CD38: variants seen among roughly 807,000 people sequenced by gnomAD.
CD38 encodes CD38 molecule.
CD38 carries 31 observed loss-of-function variants against 36.3 expected under a neutral mutation model. That is an observed-to-expected ratio of 0.85 (90% CI 0.64 to 1.15). The LOEUF (loss-of-function observed/expected upper bound fraction) is 1.15. Ranked by LOEUF, CD38 falls within the 50% of genes most tolerant of loss-of-function variation. CD38 has a pLI of 0.00. For synonymous variants in CD38, 131 were observed against 135.2 expected (o/e 0.97, Z 0.22); for missense variants, 380 against 371.9 (o/e 1.02, Z -0.18).
At chr4:15,791,476 T>TG (rs1162571519) in intron 1 of CD38, among the ~76,000 whole-genome samples, 7 of 9,162 alleles carry the variant, frequency 7.6e-4, no homozygotes, top group Non-Finnish European at 1.0e-3. Flanking sequence ...GGGAGGGAGG[T>TG]GGGGGGGGGT....
intron 2 of CD38, among the ~76,000 whole-genome samples, chr4:15,819,892 G>C (rs760465915): frequency 1.3e-5 from 2 of 152,086 alleles, no homozygotes; most frequent in African/African-American, 2.4e-5. Context: ...GAAATCCAGA[G>C]AACCCCAGTA....
intron 3 of CD38, among the ~76,000 whole-genome samples, chr4:15,832,784 C>T (rs1723985917): frequency 6.6e-6 from 1 of 152,160 alleles, no homozygotes; most frequent in South Asian, 2.1e-4. Flanking sequence ...GGTGAGAAAG[C>T]CAGCCAGACC....
Position 15,825,013 on chromosome 4 carries a change from TC to T in CD38, c.498del (p.Ile168Ter). 1.2e-6 allele frequency: 2 copies of T among 1,609,388 alleles called. No homozygotes were observed. Among genetic ancestry groups the T allele is most frequent in the Non-Finnish European group, 1.7e-6 (2 of 1,177,364 alleles). ...CACATGGTGTGGTGAATTCAACACTTCCAGTGAGGCTCTGGGCCCTGTGGGA... is the reference window on the plus strand; with the variant it reads ...CACATGGTGTGGTGAATTCAACACTTCAGTGAGGCTCTGGGCCCTGTGGGA... ...DLTWCGEFNT[S>X]KINYQSCPDW... On this transcript the variant is annotated frameshift_variant and splice_region_variant, in exon 3 of 8. Transcript: ENST00000226279. LOFTEE classifies it high-confidence loss of function.
chr4:15,786,637 G>A (rs1722838121), intron 1 of CD38, among the ~76,000 whole-genome samples: 1 of 152,238 alleles, frequency 6.6e-6, no homozygotes, highest in South Asian at 2.1e-4. Context: ...TGTTCTCCAA[G>A]TCCCCACTAG....
chr4:15,796,125 A>G (rs1723099164), intron 1 of CD38, among the ~76,000 whole-genome samples: 1 of 152,140 alleles, frequency 6.6e-6, no homozygotes, highest in Non-Finnish European at 1.5e-5. Context: ...AATTCTTAAT[A>G]AAGGCAAAGA....
chr4:15,840,635 A>T, intron 7 of CD38, 97 bp downstream of exon 7: 2 of 692,204 alleles, frequency 2.9e-6, no homozygotes, highest in Non-Finnish European at 5.1e-6. Context: ...GGCTGTGTGA[A>T]TCTTTCTTGG....
chr4:15,825,118 G>A (rs1723820640), intron 3 of CD38, 102 bp downstream of exon 3: 2 of 1,198,444 alleles, frequency 1.7e-6, no homozygotes, highest in Non-Finnish European at 2.3e-6. Flanking sequence ...CAGAGCCACA[G>A]GCACCCATCC....
rs1330983197 is a variant in CD38, at chr4:15,848,632, G to A, written c.*30G>A. 6.3e-7 allele frequency: 1 copy of A among 1,584,518 alleles called. No individual in the cohort carries two copies. Among genetic ancestry groups the A allele is most frequent in the Non-Finnish European group, 8.7e-7 (1 of 1,153,592 alleles). The stretch of plus-strand genomic sequence containing the variant: ...GTCGCTGTGGTTGTTTTAGCTCCTT[G>A]ACTCCTTGTGGTTTATGTCATCATA... On this transcript the variant is annotated 3_prime_UTR_variant, in exon 8 of 8. Coordinates refer to ENST00000226279, the MANE Select transcript of CD38 (RefSeq NM_001775.4).
At chr4:15,789,308 C>T (rs1460931123) in intron 1 of CD38, among the ~76,000 whole-genome samples, 1 of 152,100 alleles carries the variant, frequency 6.6e-6, no homozygotes, top group Non-Finnish European at 1.5e-5. Flanking sequence ...GACATTGAAA[C>T]AGAAAAATAC....
intron 1 of CD38, among the ~76,000 whole-genome samples, chr4:15,780,532 A>ACACACACACACACACACACACACACACG (rs1722671408): frequency 1.4e-5 from 2 of 145,632 alleles, no homozygotes; most frequent in African/African-American, 5.2e-5. Context: ...ACACACACAC[A>ACACACACACACACACACACACACACACG]CACACACACA....
At chr4:15,837,207 A>G (rs1285182569) in intron 4 of CD38, among the ~76,000 whole-genome samples, 9 of 152,226 alleles carry the variant, frequency 5.9e-5, no homozygotes, top group Admixed American at 5.9e-4. Context: ...CTAGGAATAC[A>G]GAGGTGCACG....
intron 1 of CD38, among the ~76,000 whole-genome samples, chr4:15,787,118 G>C (rs897089510): frequency 6.6e-6 from 1 of 152,240 alleles, no homozygotes; most frequent in African/African-American, 2.4e-5. Context: ...AGAGGGAGCC[G>C]ACTCCGGCCT....
chr4:15,797,176 A>T (rs776805193), intron 1 of CD38, among the ~76,000 whole-genome samples: 1 of 152,036 alleles, frequency 6.6e-6, no homozygotes, highest in Non-Finnish European at 1.5e-5. Context: ...TTTAATCTTT[A>T]TTTGCATTTA....
Position 15,851,022 on chromosome 4 carries a change from C to G in CD38, c.*2420C>G, listed in dbSNP as rs1320050391. The G allele has an allele frequency of 1.3e-5, 2 of 152,100 alleles. No homozygotes were observed. The highest frequency in any genetic ancestry group is 2.9e-5 in the Non-Finnish European group (2 of 68,054). 9.4% of individuals were successfully genotyped at this position (152,100 alleles called of 1,614,324 possible). A position where few individuals can be genotyped will look rare whatever the true frequency, so the allele number is the denominator to read the frequency against. ...ATTAGAAATCAATTTTTGAAATTTC[C>G]CCTAGGAAGACTCATTTGAGTGTTC... On this transcript the variant is annotated 3_prime_UTR_variant, in exon 8 of 8. Transcript: ENST00000226279.
chr4:15,805,369 G>A (rs1723319933), intron 1 of CD38, among the ~76,000 whole-genome samples: 1 of 151,836 alleles, frequency 6.6e-6, no homozygotes, highest in Non-Finnish European at 1.5e-5. Context: ...ACTCAAATAT[G>A]TCCACCCTAT....
chr4:15,796,834 A>T (rs1192145439), intron 1 of CD38, among the ~76,000 whole-genome samples: 1 of 152,116 alleles, frequency 6.6e-6, no homozygotes, highest in African/African-American at 2.4e-5. Context: ...TAATAATTAT[A>T]TAGATTCCAC....
At chr4:15,819,104 CAT>C (rs1260208822) in intron 2 of CD38, among the ~76,000 whole-genome samples, 1 of 146,878 alleles carries the variant, frequency 6.8e-6, no homozygotes, top group Non-Finnish European at 1.6e-5. Context: ...CCAAACACCA[CAT>C]GTTCTCACTC....
At chr4:15,796,401 A>C (rs957084915) in intron 1 of CD38, among the ~76,000 whole-genome samples, 4 of 151,936 alleles carry the variant, frequency 2.6e-5, no homozygotes, top group African/African-American at 9.7e-5. Context: ...ATATCCTCAT[A>C]TCCTCCTTCA....
chr4:15,816,925 G>A (rs3796867), intron 2 of CD38, among the ~76,000 whole-genome samples: 23,609 of 152,042 alleles, frequency 0.16, 3,000 homozygotes, highest in African/African-American at 0.35. Flanking sequence ...AACCCAACTC[G>A]AACAAACAAA....
Sources: allele counts gnomAD v4.1 joint callset (sites outside exome capture counted in the v4.1 genomes callset), GRCh38; gene constraint gnomAD v4.1.1; transcripts MANE v1.5; gene names NCBI Gene and HGNC (gene_info 2026-07-23, HGNC 2026-07-21).